Variants in AUTS2 observed in about 807,000 individuals in gnomAD.
AUTS2 encodes autism susceptibility gene 2 protein.
AUTS2 carries 17 observed loss-of-function variants against 112.4 expected under a neutral mutation model. That is an observed-to-expected ratio of 0.15 (90% CI 0.10 to 0.23). The LOEUF (loss-of-function observed/expected upper bound fraction) is 0.23, where lower values mean the gene tolerates loss of function less well. Ranked by LOEUF, AUTS2 falls within the 10% of genes least tolerant of loss-of-function variation. The pLI is 1.00. For missense variants in AUTS2, 1,510 were observed against 1,701.6 expected (o/e 0.89, Z 1.98); for synonymous variants, 751 against 702.7 (o/e 1.07, Z -1.09).
chr7:70,027,073 T>C (rs1033622528), intron 2 of AUTS2, among the ~76,000 whole-genome samples: 1 of 152,198 alleles, frequency 6.6e-6, no homozygotes, highest in Non-Finnish European at 1.5e-5. Context: ...TTTGCCCATC[T>C]GTAGGCTAAT....
At chr7:69,959,240 A>G (rs1286797013) in intron 2 of AUTS2, among the ~76,000 whole-genome samples, 1 of 151,894 alleles carries the variant, frequency 6.6e-6, no homozygotes, top group East Asian at 1.9e-4. Flanking sequence ...TTTTCTAAAT[A>G]TTTTCTTGGT....
At chr7:70,583,515 G>A (rs1439839900) in intron 5 of AUTS2, among the ~76,000 whole-genome samples, 3 of 152,234 alleles carry the variant, frequency 2.0e-5, no homozygotes, top group Admixed American at 6.5e-5. Flanking sequence ...TGGGAGGGGC[G>A]GAGGCAGAGG....
intron 5 of AUTS2, among the ~76,000 whole-genome samples, chr7:70,521,132 C>A (rs1027586790): frequency 8.5e-5 from 13 of 152,162 alleles, no homozygotes; most frequent in Non-Finnish European, 1.9e-4. Context: ...ATGTACATCC[C>A]TGACCTTCAC....
intron 17 of AUTS2, 174 bp from the exon 18 acceptor site, chr7:70,787,035 G>A (rs1791545140): frequency 1.4e-6 from 1 of 737,394 alleles, no homozygotes; most frequent in Admixed American, 2.1e-5. Context: ...CCTCTCCAGT[G>A]TAGGACAAGA....
intron 1 of AUTS2, among the ~76,000 whole-genome samples, chr7:69,865,760 C>A (rs1793197767): frequency 1.3e-5 from 2 of 152,188 alleles, no homozygotes; most frequent in South Asian, 4.1e-4. Context: ...CAGTGCATAT[C>A]ATCCATTATA....
chr7:70,562,667 C>T (rs1231827661), intron 5 of AUTS2, among the ~76,000 whole-genome samples: 2 of 152,112 alleles, frequency 1.3e-5, no homozygotes, highest in Admixed American at 1.3e-4. Flanking sequence ...CCAGAGTACC[C>T]AGGATAATAC....
intron 5 of AUTS2, among the ~76,000 whole-genome samples, chr7:70,657,084 C>A (rs1806809328): frequency 6.6e-6 from 1 of 152,164 alleles, no homozygotes; most frequent in Non-Finnish European, 1.5e-5. Context: ...TGCCATTTTT[C>A]TGATGGCATT....
At chr7:70,496,758 C>CCT (rs1450025171) in intron 5 of AUTS2, among the ~76,000 whole-genome samples, 10 of 142,082 alleles carry the variant, frequency 7.0e-5, no homozygotes, top group African/African-American at 7.8e-5. Context: ...ATCACACACC[C>CCT]CACTCACACC....
chr7:69,956,350 C>T (rs1797209583), intron 2 of AUTS2, among the ~76,000 whole-genome samples: 1 of 152,128 alleles, frequency 6.6e-6, no homozygotes, highest in African/African-American at 2.4e-5. Context: ...TACATGTACT[C>T]ATATAAAACT....
chr7:70,645,825 C>T (rs1806130039), intron 5 of AUTS2, among the ~76,000 whole-genome samples: 1 of 152,226 alleles, frequency 6.6e-6, no homozygotes, highest in African/African-American at 2.4e-5. Context: ...AACTCCATCA[C>T]ACCTTCTGTA....
intron 10 of AUTS2, among the ~76,000 whole-genome samples, chr7:70,768,872 G>C (rs1417870086): frequency 1.7e-5 from 1 of 60,024 alleles, no homozygotes; most frequent in Non-Finnish European, 3.1e-5. Context: ...CTTTGCCAGT[G>C]ATTTCTTTTT....
At chr7:69,811,430 C>T (rs1177282745) in intron 1 of AUTS2, among the ~76,000 whole-genome samples, 2 of 151,984 alleles carry the variant, frequency 1.3e-5, no homozygotes. Flanking sequence ...CCCCAGTGTA[C>T]CCTGAATATC....
intron 2 of AUTS2, among the ~76,000 whole-genome samples, chr7:70,096,803 T>C (rs562277497): frequency 6.6e-6 from 1 of 152,246 alleles, no homozygotes; most frequent in African/African-American, 2.4e-5. Context: ...GAAATCATCA[T>C]ATCTTTTCTC....
At position 70,035,830 on chromosome 7, in the gene AUTS2, A is replaced by G. The variant is rs540292031; in HGVS notation, c.523-82302A>G. On this transcript the variant is annotated intron_variant, in intron 2 of 18. Transcript: ENST00000342771. ...GACACCTTTCTACCCATCTCCTTCA[A>G]TGCTCCTTCTATTCATCCTTTCATA... Among the ~76,000 whole-genome samples, 4 of 152,208 alleles carry G rather than the reference A, an allele frequency of 2.6e-5. 1 individual carries two copies. In the South Asian group the frequency reaches 6.2e-4, roughly 24 times the overall value.
intron 1 of AUTS2, among the ~76,000 whole-genome samples, chr7:69,739,032 T>G (rs1787155193): frequency 6.6e-6 from 1 of 152,112 alleles, no homozygotes. Context: ...GATGGAATGT[T>G]TTATTAGGTT....
chr7:70,427,047 C>T (rs938350240), intron 4 of AUTS2, among the ~76,000 whole-genome samples: 6 of 152,140 alleles, frequency 3.9e-5, no homozygotes, highest in South Asian at 2.1e-4. Context: ...AAGGGAAAAT[C>T]GCCCCATTAC....
At chr7:70,482,609 A>G (rs898473787) in intron 5 of AUTS2, among the ~76,000 whole-genome samples, 2 of 152,176 alleles carry the variant, frequency 1.3e-5, no homozygotes, top group African/African-American at 4.8e-5. Context: ...CTGGGATAAG[A>G]GGGATTTGGG....
intron 2 of AUTS2, among the ~76,000 whole-genome samples, chr7:69,978,894 A>ACACACACG (rs1187956968): frequency 3.0e-4 from 41 of 137,090 alleles, no homozygotes; most frequent in South Asian, 1.2e-3. Context: ...ACACACACAC[A>ACACACACG]CACACACGCA....
At chr7:70,787,003 GAAAA>G (rs59473239) in intron 17 of AUTS2, 2 of 587,714 alleles carry the variant, frequency 3.4e-6, no homozygotes, top group East Asian at 3.1e-5. Context: ...GTTTTAAAAA[GAAAA>G]AAAAAAGCTG....
Sources: gnomAD v4.1 joint callset for allele counts (sites outside exome capture counted in the v4.1 genomes callset) on GRCh38, gnomAD v4.1.1 for gene constraint, MANE v1.5 for transcripts, NCBI Gene and HGNC (gene_info 2026-07-23, HGNC 2026-07-21) for gene names.